Variants in HIBADH observed in about 807,000 individuals in gnomAD.
HIBADH encodes the protein 3-hydroxyisobutyrate dehydrogenase, mitochondrial.
In HIBADH, 25 loss-of-function variants were observed where a neutral mutation model predicts 36.1. The ratio of observed to expected loss-of-function variants is 0.69; its 90% CI spans 0.50 to 0.97. The LOEUF (loss-of-function observed/expected upper bound fraction) is 0.97. Among genes scored for constraint, HIBADH ranks in the 50% least tolerant of loss-of-function variants. HIBADH has a pLI of 0.00. For missense variants in HIBADH, 421 were observed against 418.0 expected (o/e 1.01, Z -0.06); for synonymous variants, 160 against 149.5 (o/e 1.07, Z -0.51).
At chr7:27,526,429 CTGTG>C in intron 7 of HIBADH, 57 bp from the exon 8 acceptor site, 1 of 1,425,702 alleles carries the variant, frequency 7.0e-7, no homozygotes, top group Non-Finnish European at 9.4e-7. Flanking sequence ...CTCTTTGGAA[CTGTG>C]GTTCCTTATG....
At chr7:27,607,271 A>C (rs1333023455) in intron 4 of HIBADH, among the ~76,000 whole-genome samples, 4 of 152,082 alleles carry the variant, frequency 2.6e-5, no homozygotes, top group Non-Finnish European at 5.9e-5. Flanking sequence ...CTTTTGAGAG[A>C]CCGAGGTGGG....
At position 27,602,091 on chromosome 7, in the gene HIBADH, T is replaced by A. The variant is rs372482503; in HGVS notation, c.484+27280A>T. Among the ~76,000 whole-genome samples, 7 of 152,124 alleles carry A rather than the reference T, an allele frequency of 4.6e-5. No individual in the cohort carries two copies. In the East Asian group the frequency reaches 7.7e-4, roughly 17 times the overall value. Reference sequence around the variant, plus strand: ...TATTGAAAATCCTCTACCTAAAATGTCTTATTTTTGCTAAATCAGGCTAAT... The same window carrying A: ...TATTGAAAATCCTCTACCTAAAATGACTTATTTTTGCTAAATCAGGCTAAT... On this transcript the variant is annotated intron_variant, in intron 4 of 7. Coordinates refer to ENST00000265395, the MANE Select transcript of HIBADH (RefSeq NM_152740.4).
chr7:27,542,128 C>T (rs969539659), intron 5 of HIBADH, among the ~76,000 whole-genome samples: 66 of 152,054 alleles, frequency 4.3e-4, no homozygotes, highest in African/African-American at 1.4e-3. Context: ...ATATTTTATG[C>T]GTTCACGACA....
At chr7:27,574,511 C>T (rs376827175) in intron 4 of HIBADH, among the ~76,000 whole-genome samples, 4 of 152,174 alleles carry the variant, frequency 2.6e-5, no homozygotes, top group East Asian at 1.9e-4. Flanking sequence ...TAACTCTTTA[C>T]CTTTTTTATT....
intron 1 of HIBADH, among the ~76,000 whole-genome samples, chr7:27,661,956 G>A (rs953574177): frequency 2.6e-5 from 4 of 152,106 alleles, no homozygotes; most frequent in African/African-American, 9.7e-5. Context: ...GATCTCCGTG[G>A]ATCTTCATCC....
chr7:27,661,364 G>A (rs1464872476), intron 1 of HIBADH, among the ~76,000 whole-genome samples: 1 of 151,864 alleles, frequency 6.6e-6, no homozygotes, highest in Non-Finnish European at 1.5e-5. Context: ...GCTTTGGGAG[G>A]ATCACTTGAG....
At chr7:27,596,772 C>A (rs1785040708) in intron 4 of HIBADH, among the ~76,000 whole-genome samples, 1 of 152,184 alleles carries the variant, frequency 6.6e-6, no homozygotes, top group Non-Finnish European at 1.5e-5. Flanking sequence ...TACTTACTGG[C>A]TGAGCATCCC....
chr7:27,626,212 C>T (rs1306646587), intron 4 of HIBADH, among the ~76,000 whole-genome samples: 1 of 146,300 alleles, frequency 6.8e-6, no homozygotes, highest in East Asian at 2.2e-4. Flanking sequence ...AGTATCAAAA[C>T]ATTTCATCTA....
At chr7:27,624,859 A>T (rs906303106) in intron 4 of HIBADH, among the ~76,000 whole-genome samples, 6 of 152,204 alleles carry the variant, frequency 3.9e-5, no homozygotes, top group African/African-American at 1.4e-4. Flanking sequence ...TTTCCAGTTG[A>T]AGTCAACTCA....
intron 4 of HIBADH, among the ~76,000 whole-genome samples, chr7:27,552,211 C>T (rs1191725699): frequency 3.3e-5 from 5 of 152,212 alleles, no homozygotes; most frequent in Non-Finnish European, 5.9e-5. Flanking sequence ...GTTTCTGTTT[C>T]AGAGTCCATG....
At chr7:27,541,885 G>T (rs557729147) in intron 5 of HIBADH, 1 of 294,490 alleles carries the variant, frequency 3.4e-6, no homozygotes, top group Non-Finnish European at 6.6e-6. Flanking sequence ...CTCAATACTT[G>T]TAACACTTGA....
intron 4 of HIBADH, among the ~76,000 whole-genome samples, chr7:27,614,559 T>C (rs1454691304): frequency 1.3e-5 from 2 of 152,226 alleles, no homozygotes; most frequent in African/African-American, 2.4e-5. Context: ...TCTGCCCTCT[T>C]CAGTCTAGTA....
intron 2 of HIBADH, among the ~76,000 whole-genome samples, chr7:27,636,549 G>C (rs547771495): frequency 2.6e-4 from 40 of 152,212 alleles, no homozygotes; most frequent in South Asian, 8.3e-4. Context: ...TAGATCCCAA[G>C]AGATTTACTT....
Position 27,605,813 on chromosome 7 carries a change from T to A in HIBADH, c.484+23558A>T, listed in dbSNP as rs186982246. Among the ~76,000 whole-genome samples, 406 of 152,204 alleles carry A rather than the reference T, an allele frequency of 2.7e-3. 2 individuals carry two copies. Among genetic ancestry groups the A allele is most frequent in the African/African-American group, 9.0e-3 (375 of 41,566 alleles). ...CAACTTCAAAAGTAAAATCGTTATATCTTTAACAAAAAATAATATATTTTA... is the reference window on the plus strand; with the variant it reads ...CAACTTCAAAAGTAAAATCGTTATAACTTTAACAAAAAATAATATATTTTA... On this transcript the variant is annotated intron_variant, in intron 4 of 7. Transcript: ENST00000265395.
At chr7:27,661,706 C>G (rs1291290011) in intron 1 of HIBADH, among the ~76,000 whole-genome samples, 1 of 151,124 alleles carries the variant, frequency 6.6e-6, no homozygotes, top group Non-Finnish European at 1.5e-5. Context: ...GTTATTAATC[C>G]TCAGTATGAT....
At chr7:27,535,584 T>A (rs1216043583) in intron 6 of HIBADH, among the ~76,000 whole-genome samples, 1 of 152,112 alleles carries the variant, frequency 6.6e-6, no homozygotes, top group Admixed American at 6.6e-5. Context: ...ACATCATCAA[T>A]GTTATTTCTA....
At chr7:27,621,893 G>A (rs1401451188) in intron 4 of HIBADH, among the ~76,000 whole-genome samples, 1 of 152,134 alleles carries the variant, frequency 6.6e-6, no homozygotes, top group Non-Finnish European at 1.5e-5. Context: ...CACGGGTGGG[G>A]TGGCGGGGAA....
At chr7:27,642,946 C>T (rs534517825) in intron 2 of HIBADH, among the ~76,000 whole-genome samples, 2 of 152,308 alleles carry the variant, frequency 1.3e-5, no homozygotes, top group Admixed American at 6.5e-5. Context: ...CCACCGCGCC[C>T]GGCCAAATGT....
chr7:27,576,674 T>C (rs371648566), intron 4 of HIBADH, among the ~76,000 whole-genome samples: 62 of 152,224 alleles, frequency 4.1e-4, no homozygotes, highest in Non-Finnish European at 7.5e-4. Context: ...AAGGGAAATA[T>C]TCCTTTTTCC....
Sources: gnomAD v4.1 joint callset for allele counts (sites outside exome capture counted in the v4.1 genomes callset) on GRCh38, gnomAD v4.1.1 for gene constraint, MANE v1.5 for transcripts, NCBI Gene and HGNC (gene_info 2026-07-23, HGNC 2026-07-21) for gene names.